The following ERICH1 variants were observed in gnomAD, a reference collection of about 807,000 sequenced individuals.
The protein encoded by ERICH1 is glutamate rich 1.
Under a neutral mutation model 39.6 loss-of-function variants are expected in ERICH1, and 56 were observed. The ratio of observed to expected loss-of-function variants is 1.41; its 90% CI spans 1.14 to 1.77. The LOEUF (loss-of-function observed/expected upper bound fraction) is 1.77. Among genes scored for constraint, ERICH1 ranks in the 40% most tolerant of loss-of-function variants. ERICH1 has a pLI of 0.00. For synonymous variants in ERICH1, 313 were observed against 223.6 expected (o/e 1.40, Z -3.57); for missense variants, 826 against 575.4 (o/e 1.44, Z -4.45).
At chr8:681,801 C>G (rs1170316714) in intron 3 of ERICH1, among the ~76,000 whole-genome samples, 2 of 152,224 alleles carry the variant, frequency 1.3e-5, no homozygotes, top group Non-Finnish European at 2.9e-5. Context: ...GAGCCTTCGT[C>G]AGGCTCCGGA....
chr8:692,365 G>A, intron 3 of ERICH1, 113 bp downstream of exon 3: 2 of 1,467,408 alleles, frequency 1.4e-6, no homozygotes, highest in Non-Finnish European at 1.9e-6. Flanking sequence ...GTAACAACAT[G>A]CTCACCCACC....
intron 3 of ERICH1, chr8:627,183 A>C (rs1797636615): frequency 2.2e-6 from 1 of 456,100 alleles, no homozygotes; most frequent in South Asian, 1.5e-5. Flanking sequence ...GTAGCCACTG[A>C]TGTGCTGTGT....
intron 2 of ERICH1, among the ~76,000 whole-genome samples, chr8:704,597 A>T (rs1415605059): frequency 3.3e-5 from 5 of 152,240 alleles, no homozygotes; most frequent in Non-Finnish European, 5.9e-5. Flanking sequence ...AGACATAAAC[A>T]TGTAAACAAT....
intron 3 of ERICH1, among the ~76,000 whole-genome samples, chr8:688,367 G>GC (rs1472639560): frequency 5.2e-5 from 2 of 38,424 alleles, no homozygotes; most frequent in East Asian, 6.3e-4. Flanking sequence ...CCTCGGCCCC[G>GC]CCCCCCGGTC....
chr8:717,160 T>G (rs1203765449), intron 1 of ERICH1, among the ~76,000 whole-genome samples: 1 of 152,090 alleles, frequency 6.6e-6, no homozygotes, highest in Non-Finnish European at 1.5e-5. Context: ...AAAGCCTGCT[T>G]TTGCTGGGAG....
At chr8:621,850 G>C (rs1797302009) in intron 3 of ERICH1, among the ~76,000 whole-genome samples, 1 of 152,102 alleles carries the variant, frequency 6.6e-6, no homozygotes, top group Non-Finnish European at 1.5e-5. Flanking sequence ...ACAATTCCTA[G>C]AAAAACATAA....
chr8:694,822 C>T (rs1269973084), intron 2 of ERICH1, among the ~76,000 whole-genome samples: 1 of 152,146 alleles, frequency 6.6e-6, no homozygotes, highest in Non-Finnish European at 1.5e-5. Flanking sequence ...AGGAAGAGAC[C>T]GGTTACACTT....
chr8:720,323 C>A (rs756045005), intron 1 of ERICH1, among the ~76,000 whole-genome samples: 1 of 152,168 alleles, frequency 6.6e-6, no homozygotes, highest in Admixed American at 6.5e-5. Context: ...GATGGCAGAA[C>A]GCTGAGGTAC....
chr8:701,127 G>A (rs993479628), intron 2 of ERICH1, among the ~76,000 whole-genome samples: 1 of 152,290 alleles, frequency 6.6e-6, no homozygotes, highest in Non-Finnish European at 1.5e-5. Flanking sequence ...CAAGGGCCAA[G>A]AAGAACAGAG....
At chr8:666,196 T>C (rs572719493) in intron 5 of ERICH1, 10 of 152,292 alleles carry the variant, frequency 6.6e-5, no homozygotes, top group Middle Eastern at 3.4e-3. Flanking sequence ...GTTTTAATAA[T>C]GGGGGGTTCT....
At chr8:663,986 C>A (rs1468079850), downstream of ERICH1, among the ~76,000 whole-genome samples, 1 of 152,180 alleles carries the variant, frequency 6.6e-6, no homozygotes, top group East Asian at 1.9e-4. Flanking sequence ...CTCTCGATCT[C>A]CTGACGTTGT....
intron 3 of ERICH1, among the ~76,000 whole-genome samples, chr8:687,560 C>T (rs78388745): frequency 6.6e-6 from 1 of 152,158 alleles, no homozygotes; most frequent in Non-Finnish European, 1.5e-5. Context: ...GAGGCGGGAA[C>T]CCGTGGAGGG....
At chr8:727,209 C>G (rs1170557335) in intron 1 of ERICH1, among the ~76,000 whole-genome samples, 2 of 152,116 alleles carry the variant, frequency 1.3e-5, no homozygotes, top group Non-Finnish European at 2.9e-5. Flanking sequence ...CAGACACGTG[C>G]ACACATAGGA....
At chr8:696,335 A>C (rs1221070689) in intron 2 of ERICH1, among the ~76,000 whole-genome samples, 3 of 21,318 alleles carry the variant, frequency 1.4e-4, no homozygotes, top group Admixed American at 8.4e-4. Context: ...CGCTCCTCTC[A>C]CCCTCCACTC....
chr8:717,388 C>T lies in ERICH1; in HGVS notation c.23-1381G>A, dbSNP rs150673309. ...AGGCCTTGCCTCAAGCATACCTGCC[C>T]GGCGGAGACACCTTGGCTCTCAGGG... On this transcript the variant is annotated intron_variant, in intron 1 of 5. Transcript: ENST00000262109. Among the ~76,000 whole-genome samples the T allele has an allele frequency of 4.4e-4, 67 of 152,246 alleles. No individual in the cohort carries two copies. The East Asian group carries it at 0.011, about 26-fold the overall frequency.
chr8:677,193 G>T (rs576876989), intron 3 of ERICH1, among the ~76,000 whole-genome samples: 1 of 152,178 alleles, frequency 6.6e-6, no homozygotes, highest in African/African-American at 2.4e-5. Flanking sequence ...TAAAGCAGTC[G>T]CATCGGTTTC....
chr8:701,585 C>A (rs372178968), intron 2 of ERICH1, among the ~76,000 whole-genome samples: 1 of 152,208 alleles, frequency 6.6e-6, no homozygotes, highest in African/African-American at 2.4e-5. Context: ...AGGTGAGCAA[C>A]AGAGTCGGAC....
At chr8:674,769 C>T (rs1459250791) in intron 3 of ERICH1, among the ~76,000 whole-genome samples, 1 of 152,228 alleles carries the variant, frequency 6.6e-6, no homozygotes, top group African/African-American at 2.4e-5. Context: ...ATTTGCCCAT[C>T]TGAGTCAGCA....
At position 673,531 on chromosome 8, in the gene ERICH1, C is replaced by G. The variant is rs533536213; in HGVS notation, c.821G>C (p.Gly274Ala). 10 of 1,613,022 alleles carry G rather than the reference C, an allele frequency of 6.2e-6. No individual in the cohort carries two copies. The Admixed American group carries it at 6.7e-5, about 11-fold the overall frequency. The part of the protein sequence containing the change: ...EDVKDAREED[G>A]VDTIEEDLTR... The stretch of plus-strand genomic sequence containing the variant: ...CAGGTCTTCCTCAATGGTGTCCACA[C>G]CGTCCTCCTCCCTGGCGTCTTTAAC... The change falls in exon 4 of 6, where the codon GGT becomes GCT. Residue 274 changes from glycine to alanine, a missense_variant. Transcript: ENST00000262109.
Sources: allele counts gnomAD v4.1 joint callset (sites outside exome capture counted in the v4.1 genomes callset), GRCh38; gene constraint gnomAD v4.1.1; transcripts MANE v1.5; gene names NCBI Gene and HGNC (gene_info 2026-07-23, HGNC 2026-07-21).